Variants in AK5 observed in about 807,000 individuals in gnomAD.
The protein encoded by AK5 is adenylate kinase isoenzyme 5.
In AK5, 27 loss-of-function variants were observed where a neutral mutation model predicts 69.5. The observed-to-expected ratio is 0.39, with a 90% CI of 0.29 to 0.54. The LOEUF is 0.54. Ranked by LOEUF, AK5 falls within the 20% of genes least tolerant of loss-of-function variation. The pLI, the probability that AK5 is intolerant of heterozygous loss-of-function variation, is 0.71. For missense variants in AK5, 531 were observed against 700.4 expected, an observed-to-expected ratio of 0.76 and a Z score of 2.73; for synonymous variants, 260 against 244.4, an observed-to-expected ratio of 1.06 and a Z score of -0.60.
chr1:77,547,530 T>C (rs990196586), intron 13 of AK5, among the ~76,000 whole-genome samples: 13 of 152,106 alleles, frequency 8.5e-5, no homozygotes, highest in African/African-American at 3.1e-4. Context: ...CCTCGGCCTC[T>C]CAAAGTGCTG....
intron 5 of AK5, among the ~76,000 whole-genome samples, chr1:77,318,569 C>A (rs1022569033): frequency 1.3e-5 from 2 of 152,110 alleles, no homozygotes; most frequent in South Asian, 2.1e-4. Flanking sequence ...GTATTAATGT[C>A]ATTAGGTGCA....
intron 12 of AK5, among the ~76,000 whole-genome samples, chr1:77,528,066 A>G (rs1658386338): frequency 6.6e-6 from 1 of 152,130 alleles, no homozygotes; most frequent in South Asian, 2.1e-4. Flanking sequence ...CTCAAATAAT[A>G]ATAATAATAA....
At chr1:77,327,251 G>C (rs563692189) in intron 5 of AK5, among the ~76,000 whole-genome samples, 1 of 152,124 alleles carries the variant, frequency 6.6e-6, no homozygotes, top group East Asian at 1.9e-4. Context: ...AATAAACTGG[G>C]CATGGTGGCA....
At chr1:77,525,171 A>C (rs1248120082) in intron 12 of AK5, among the ~76,000 whole-genome samples, 1 of 152,204 alleles carries the variant, frequency 6.6e-6, no homozygotes, top group Non-Finnish European at 1.5e-5. Context: ...GGCCTCCCAA[A>C]GTGCTGGGAT....
At chr1:77,375,893 CCT>C (rs960088999) in intron 6 of AK5, among the ~76,000 whole-genome samples, 10 of 152,100 alleles carry the variant, frequency 6.6e-5, no homozygotes, top group Admixed American at 3.9e-4. Flanking sequence ...CATCTGAACC[CCT>C]GTTTTCTCAT....
chr1:77,503,880 G>C (rs1276040878), intron 10 of AK5, among the ~76,000 whole-genome samples: 1 of 151,650 alleles, frequency 6.6e-6, no homozygotes, highest in Non-Finnish European at 1.5e-5. Context: ...ACTCCAGCCT[G>C]GGTGACAAGA....
At chr1:77,337,405 A>G (rs1011930496) in intron 5 of AK5, among the ~76,000 whole-genome samples, 28 of 152,210 alleles carry the variant, frequency 1.8e-4, no homozygotes, top group Non-Finnish European at 4.1e-4. Flanking sequence ...ATCTGCATTC[A>G]ATGCTGAGTT....
intron 13 of AK5, among the ~76,000 whole-genome samples, chr1:77,555,170 C>G (rs142125479): frequency 6.6e-6 from 1 of 151,960 alleles, no homozygotes; most frequent in African/African-American, 2.4e-5. Flanking sequence ...CCCAGCTACT[C>G]GGGAGGCTGA....
intron 6 of AK5, among the ~76,000 whole-genome samples, chr1:77,375,507 A>G (rs1214396641): frequency 6.6e-6 from 1 of 152,132 alleles, no homozygotes; most frequent in Non-Finnish European, 1.5e-5. Context: ...TCCATGCCCC[A>G]TCTCCTACCT....
At chr1:77,288,956 T>C (rs1304549739) in intron 2 of AK5, among the ~76,000 whole-genome samples, 5 of 152,144 alleles carry the variant, frequency 3.3e-5, no homozygotes. Context: ...TAAGGTAAGG[T>C]TGTGTCTTTA....
intron 6 of AK5, among the ~76,000 whole-genome samples, chr1:77,348,569 T>C (rs1432752836): frequency 6.6e-6 from 1 of 152,234 alleles, no homozygotes; most frequent in Non-Finnish European, 1.5e-5. Flanking sequence ...AATACTCTAG[T>C]TAAGGTCTGT....
At chr1:77,511,244 G>C (rs1385303702) in intron 10 of AK5, among the ~76,000 whole-genome samples, 1 of 152,122 alleles carries the variant, frequency 6.6e-6, no homozygotes, top group East Asian at 1.9e-4. Context: ...GGGGAAAACT[G>C]AGCATGACAT....
chr1:77,476,900 GT>G (rs200307103), intron 8 of AK5, among the ~76,000 whole-genome samples: 5 of 102,172 alleles, frequency 4.9e-5, no homozygotes, highest in African/African-American at 7.4e-5. Flanking sequence ...GTGTTTTGCT[GT>G]TTTTTTAAAA....
At chr1:77,401,280 T>A (rs1335027512) in intron 6 of AK5, among the ~76,000 whole-genome samples, 1 of 152,154 alleles carries the variant, frequency 6.6e-6, no homozygotes, top group Non-Finnish European at 1.5e-5. Context: ...AATCAATCAA[T>A]CTTTTGGAGG....
intron 6 of AK5, among the ~76,000 whole-genome samples, chr1:77,351,121 C>T (rs4556409): frequency 0.15 from 22,074 of 152,092 alleles, 1,787 homozygotes; most frequent in Middle Eastern, 0.23. Context: ...GGGCCGGGCG[C>T]GGTGGCTCAT....
chr1:77,283,952 T>C (rs190214688), intron 1 of AK5, among the ~76,000 whole-genome samples: 32 of 152,322 alleles, frequency 2.1e-4, no homozygotes, highest in Admixed American at 4.6e-4. Context: ...TTTTCCTCCT[T>C]GGTGGAAGGT....
intron 6 of AK5, among the ~76,000 whole-genome samples, chr1:77,383,316 T>C (rs1244887434): frequency 6.6e-6 from 1 of 152,118 alleles, no homozygotes; most frequent in Non-Finnish European, 1.5e-5. Flanking sequence ...TCTATATTAT[T>C]AAGGATTCCT....
rs1014001660 is a variant in AK5 at position 77,296,014 on chromosome 1, A to G, written c.416-1545A>G. Among the ~76,000 whole-genome samples, 11 of 152,322 alleles carry G rather than the reference A, an allele frequency of 7.2e-5. No homozygotes were observed. In the East Asian group the frequency reaches 1.7e-3, roughly 24 times the overall value. On this transcript the variant is annotated intron_variant, in intron 3 of 13. Transcript: ENST00000354567. ...ATATTACAAGAATGATGAAGAACCA[A>G]TAAGTGTAAATAATTTCAAGAGGAT...
intron 13 of AK5, among the ~76,000 whole-genome samples, chr1:77,545,797 G>C (rs1659513514): frequency 6.6e-6 from 1 of 152,060 alleles, no homozygotes; most frequent in South Asian, 2.1e-4. Context: ...TTTCATCTGG[G>C]CCTGCCTTGG....
Sources: allele counts gnomAD v4.1 joint callset (sites outside exome capture counted in the v4.1 genomes callset), GRCh38; gene constraint gnomAD v4.1.1; transcripts MANE v1.5; gene names NCBI Gene and HGNC (gene_info 2026-07-23, HGNC 2026-07-21).